The following NIPAL4 variants were observed in gnomAD, a reference collection of about 807,000 sequenced individuals.
The protein encoded by NIPAL4 is magnesium transporter NIPA4.
Under a neutral mutation model 31.6 loss-of-function variants are expected in NIPAL4, and 21 were observed. The observed-to-expected ratio is 0.67, with a 90% CI of 0.47 to 0.96. The LOEUF (loss-of-function observed/expected upper bound fraction) is 0.96. Ranked by LOEUF, NIPAL4 falls within the 40% of genes least tolerant of loss-of-function variation. NIPAL4 has a pLI of 0.00. For synonymous variants in NIPAL4, 175 were observed against 211.1 expected, an observed-to-expected ratio of 0.83 and a Z score of 1.48; for missense variants, 438 against 508.0, an observed-to-expected ratio of 0.86 and a Z score of 1.32.
intron 2 of NIPAL4, among the ~76,000 whole-genome samples, chr5:157,463,885 G>T (rs1283063322): frequency 6.6e-6 from 1 of 152,174 alleles, no homozygotes; most frequent in Non-Finnish European, 1.5e-5. Context: ...TGTGCAAAAT[G>T]ACTCATTCAT....
At chr5:157,469,727 C>T (rs371364395) in intron 4 of NIPAL4, among the ~76,000 whole-genome samples, 3 of 152,188 alleles carry the variant, frequency 2.0e-5, no homozygotes, top group African/African-American at 7.2e-5. Flanking sequence ...TGATTGTTGG[C>T]GTAACCTTGG....
intron 2 of NIPAL4, among the ~76,000 whole-genome samples, chr5:157,464,582 C>A (rs184200973): frequency 3.3e-5 from 5 of 152,022 alleles, no homozygotes; most frequent in Admixed American, 3.3e-4. Flanking sequence ...GTAGAATTTA[C>A]CAGCTTTGAT....
rs1387916201 is a variant in NIPAL4, at chr5:157,472,521, T to C, written c.776T>C (p.Val259Ala). 3 of 1,613,952 alleles carry C rather than the reference T, an allele frequency of 1.9e-6. No individual in the cohort carries two copies. The highest frequency in any genetic ancestry group is 1.7e-6 in the Non-Finnish European group (2 of 1,179,860). Reference sequence around the variant, plus strand: ...AACTTCTTCCAGGGGCTGCCAGTTGTCCGGCACCCGCTCCCCTACATCCTG... The same window carrying C: ...AACTTCTTCCAGGGGCTGCCAGTTGCCCGGCACCCGCTCCCCTACATCCTG... ...IKNFFQGLPVVRHPLPYILSL... is the reference protein window; with the variant it reads ...IKNFFQGLPVARHPLPYILSL... The change falls in exon 6 of 6, where the codon GTC (valine) becomes GCC (alanine). Residue 259 changes from valine to alanine, a missense_variant. Coordinates refer to ENST00000311946, the MANE Select transcript of NIPAL4 (RefSeq NM_001099287.2).
intron 2 of NIPAL4, among the ~76,000 whole-genome samples, chr5:157,465,348 C>G (rs934340031): frequency 6.6e-6 from 1 of 152,070 alleles, no homozygotes; most frequent in African/African-American, 2.4e-5. Context: ...TGATTTCAAC[C>G]CTTAGAGTAA....
Position 157,472,900 on chromosome 5 carries a change from A to C in NIPAL4, c.1155A>C (p.Ile385=), listed in dbSNP as rs200465871. ...ACAAGAACGTCCTTGTGGACAATATAGAACTTGCCAGCACCTCATCACCAG... is the reference window on the plus strand; with the variant it reads ...ACAAGAACGTCCTTGTGGACAATATCGAACTTGCCAGCACCTCATCACCAG... ...LEDKNVLVDN[I]ELASTSSPEE... is the part of the protein sequence containing the mutation. Residue 385 remains isoleucine (I), a synonymous_variant, in exon 6 of 6, where the codon ATA becomes ATC. Coordinates refer to ENST00000311946, the MANE Select transcript of NIPAL4 (RefSeq NM_001099287.2). 1 of 1,538,168 alleles carries C rather than the reference A, an allele frequency of 6.5e-7. No homozygotes were observed. Among genetic ancestry groups the C allele is most frequent in the Admixed American group, 2.0e-5 (1 of 50,044 alleles).
chr5:157,468,932 T>C (rs1407209501), intron 4 of NIPAL4, 120 bp downstream of exon 4: 1 of 657,192 alleles, frequency 1.5e-6, no homozygotes, highest in African/African-American at 1.8e-5. Flanking sequence ...GGTCTCAGCC[T>C]CCAGAAAGAG....
Position 157,461,611 on chromosome 5 carries a change from G to A in NIPAL4, c.37+1254G>A, listed in dbSNP as rs1754110605. ...CTCTTGGGCAAGGAAGCCTGAGCTG[G>A]AGAAACAGGAATGAGCAGTGCAGAA... On this transcript the variant is annotated intron_variant, in intron 1 of 5. Transcript: ENST00000311946. Among the ~76,000 whole-genome samples the A allele has an allele frequency of 3.3e-5, 5 of 152,374 alleles. No homozygotes were observed. The South Asian group carries it at 1.0e-3, about 32-fold the overall frequency.
intron 3 of NIPAL4, chr5:157,468,033 T>C (rs1280167736): frequency 6.6e-6 from 1 of 151,736 alleles, no homozygotes; most frequent in Non-Finnish European, 1.5e-5. Flanking sequence ...GCCTCCCGAG[T>C]AGCTGGGATT....
intron 2 of NIPAL4, among the ~76,000 whole-genome samples, chr5:157,465,506 A>G (rs1267843627): frequency 1.3e-5 from 2 of 152,172 alleles, no homozygotes; most frequent in Non-Finnish European, 2.9e-5. Context: ...AAACCCATCT[A>G]TCATCATCCA....
In NIPAL4 at chr5:157,463,275, C is replaced by T. The variant is rs376803325; in HGVS notation, c.219C>T (p.Ser73=). Residue 73 remains serine, a synonymous_variant, in exon 2 of 6, where the codon AGC becomes AGT. Coordinates refer to ENST00000311946, the MANE Select transcript of NIPAL4 (RefSeq NM_001099287.2). ...AFLSSFLIGS[S]VILKKKGLLR... is the part of the protein sequence containing the mutation. ...TGTCTAGCTTCCTCATCGGCAGCAGCGTCATCCTCAAGAAGAAAGGCCTCT... is the reference window on the plus strand; with the variant it reads ...TGTCTAGCTTCCTCATCGGCAGCAGTGTCATCCTCAAGAAGAAAGGCCTCT... 166 of 1,613,774 alleles carry T rather than the reference C, an allele frequency of 1.0e-4. No homozygotes were observed. The highest frequency in any genetic ancestry group is 4.9e-4 in the Middle Eastern group (3 of 6,080).
At chr5:157,471,557 A>T in intron 4 of NIPAL4, 100 bp from the exon 5 acceptor site, 2 of 916,044 alleles carry the variant, frequency 2.2e-6, no homozygotes, top group Non-Finnish European at 1.6e-6. Flanking sequence ...GTGAGTTCTG[A>T]TCTGTTGTTC....
At chr5:157,471,868 C>A (rs918085227) in intron 5 of NIPAL4, 51 bp downstream of exon 5, 32 of 1,404,498 alleles carry the variant, frequency 2.3e-5, no homozygotes, top group Non-Finnish European at 3.0e-5. Context: ...TTGAACACCC[C>A]CTACTACCCC....
chr5:157,460,427 C>A, intron 1 of NIPAL4, 70 bp downstream of exon 1: 1 of 1,413,412 alleles, frequency 7.1e-7, no homozygotes, highest in Non-Finnish European at 9.7e-7. Context: ...CCACCGCTCT[C>A]CCTCGCATCC....
At position 157,469,218 on chromosome 5, in the gene NIPAL4, T is replaced by C. The variant is rs922931333; in HGVS notation, c.425+406T>C. ...CCATAGGCAAGTCATTTAAGCCACT[T>C]AGTCACTCGAAGCCTCATTTTTCCC... is the stretch of plus-strand genomic sequence containing the variant. On this transcript the variant is annotated intron_variant, in intron 4 of 5. Coordinates refer to ENST00000311946, the MANE Select transcript of NIPAL4 (RefSeq NM_001099287.2). 9.2e-5 allele frequency among the ~76,000 whole-genome samples: 14 copies of C among 152,188 alleles called. 1 individual carries two copies. The highest frequency in any genetic ancestry group is 2.9e-4 in the African/African-American group (12 of 41,430).
chr5:157,469,676 C>G (rs539482581), intron 4 of NIPAL4, among the ~76,000 whole-genome samples: 1 of 152,302 alleles, frequency 6.6e-6, no homozygotes, highest in East Asian at 1.9e-4. Flanking sequence ...ACAGAGCCAG[C>G]TCCTCTGTGG....
At chr5:157,462,087 C>A (rs1754126112) in intron 1 of NIPAL4, among the ~76,000 whole-genome samples, 1 of 152,188 alleles carries the variant, frequency 6.6e-6, no homozygotes, top group Non-Finnish European at 1.5e-5. Context: ...GCCTTGGTGA[C>A]ACACAGCTTG....
intron 1 of NIPAL4, among the ~76,000 whole-genome samples, chr5:157,462,631 G>A (rs191597037): frequency 6.6e-5 from 10 of 152,338 alleles, no homozygotes; most frequent in Admixed American, 1.3e-4. Context: ...TCACTATTCA[G>A]TACCCATGTT....
intron 4 of NIPAL4, among the ~76,000 whole-genome samples, chr5:157,470,715 G>C (rs1561830979): frequency 2.0e-5 from 3 of 152,170 alleles, no homozygotes; most frequent in South Asian, 4.1e-4. Context: ...CAGAGATAGA[G>C]CAAAAAATAG....
intron 1 of NIPAL4, among the ~76,000 whole-genome samples, chr5:157,462,282 G>T (rs1479965838): frequency 3.9e-5 from 6 of 152,202 alleles, no homozygotes; most frequent in Non-Finnish European, 1.5e-5. Flanking sequence ...ATGGTAAGCA[G>T]ATCTGATTTT....
Sources: allele counts gnomAD v4.1 joint callset (sites outside exome capture counted in the v4.1 genomes callset), GRCh38; gene constraint gnomAD v4.1.1; transcripts MANE v1.5; gene names NCBI Gene and HGNC (gene_info 2026-07-23, HGNC 2026-07-21).